The following SUCLG2 variants were observed in gnomAD, a reference collection of about 807,000 sequenced individuals.
SUCLG2 encodes succinate--CoA ligase [GDP-forming] subunit beta, mitochondrial.
Under a neutral mutation model 47.9 loss-of-function variants are expected in SUCLG2, and 42 were observed. The ratio of observed to expected loss-of-function variants is 0.88; its 90% CI spans 0.69 to 1.14. The LOEUF is 1.14. SUCLG2 is among the 50% of genes most tolerant of loss of function. The pLI, the probability that SUCLG2 is intolerant of heterozygous loss-of-function variation, is 0.00. For missense variants in SUCLG2, 571 were observed against 525.9 expected (o/e 1.09, Z -0.84); for synonymous variants, 195 against 197.3 (o/e 0.99, Z 0.10).
intron 9 of SUCLG2, among the ~76,000 whole-genome samples, chr3:67,454,601 C>T (rs1461401849): frequency 1.3e-5 from 2 of 152,090 alleles, no homozygotes; most frequent in Admixed American, 6.5e-5. Context: ...GAGTGGCCTA[C>T]ATCATGACAC....
At position 67,360,635 on chromosome 3, in the gene SUCLG2, T is replaced by TA. The variant is rs757697438; in HGVS notation, c.1316dup (p.Leu439PhefsTer19). The TA allele has an allele frequency of 2.0e-6, 3 of 1,511,376 alleles. No homozygotes were observed. The highest frequency in any genetic ancestry group is 1.3e-5 in the South Asian group (1 of 79,844). 93.6% of individuals were successfully genotyped at this position (1,511,376 alleles called of 1,614,324 possible). On this transcript the variant is annotated frameshift_variant, in exon 11 of 11. Transcript: ENST00000493112. LOFTEE classifies it high-confidence loss of function. ...ATCTTAGCAAAGTAAATCTTTAACA[T>TA]AAAAAAATGCTGATGGCACACTTAC...
At chr3:67,402,389 C>T (rs1413457965) in intron 9 of SUCLG2, among the ~76,000 whole-genome samples, 1 of 152,096 alleles carries the variant, frequency 6.6e-6, no homozygotes, top group Admixed American at 6.6e-5. Context: ...TATTGAAATT[C>T]AACAAAAAGG....
intron 9 of SUCLG2, among the ~76,000 whole-genome samples, chr3:67,454,839 A>G (rs1704144845): frequency 6.6e-6 from 1 of 151,974 alleles, no homozygotes; most frequent in South Asian, 2.1e-4. Context: ...GTGGGCACCT[A>G]TAGTCGCAGC....
chr3:67,588,991 T>A (rs1378640959), intron 2 of SUCLG2, among the ~76,000 whole-genome samples: 1 of 152,212 alleles, frequency 6.6e-6, no homozygotes, highest in Non-Finnish European at 1.5e-5. Context: ...AAGGCTCTGG[T>A]GACCTCTAAG....
At chr3:67,406,572 C>T (rs1054208415) in intron 9 of SUCLG2, among the ~76,000 whole-genome samples, 5 of 152,074 alleles carry the variant, frequency 3.3e-5, no homozygotes, top group African/African-American at 1.2e-4. Flanking sequence ...CTTAAGACAA[C>T]AGAATACCAT....
intron 9 of SUCLG2, 107 bp downstream of exon 9, chr3:67,495,691 C>T (rs1423500552): frequency 7.9e-6 from 10 of 1,260,082 alleles, no homozygotes; most frequent in African/African-American, 1.5e-5. Context: ...TCTGGGGCTG[C>T]AGAGTACACA....
chr3:67,362,863 C>T (rs1701824296), intron 10 of SUCLG2, among the ~76,000 whole-genome samples: 1 of 152,164 alleles, frequency 6.6e-6, no homozygotes, highest in Admixed American at 6.5e-5. Flanking sequence ...CTCATAGATG[C>T]AGCTATGGAG....
rs143315849 is a variant in SUCLG2, at chr3:67,509,727, A to G, written c.661-824T>C. Among the ~76,000 whole-genome samples, 86 of 152,276 alleles carry G rather than the reference A, an allele frequency of 5.6e-4. 1 individual carries two copies. Among genetic ancestry groups the G allele is most frequent in the Middle Eastern group, 3.4e-3 (1 of 292 alleles). ...CACAGAGCAAGAGGGTGGATCGTGGAGAAGAATTAGGTATCAGTCTCATTC... is the reference window on the plus strand; with the variant it reads ...CACAGAGCAAGAGGGTGGATCGTGGGGAAGAATTAGGTATCAGTCTCATTC... On this transcript the variant is annotated intron_variant, in intron 6 of 10. Coordinates refer to ENST00000307227, the MANE Select transcript of SUCLG2 (RefSeq NM_003848.4).
intron 9 of SUCLG2, among the ~76,000 whole-genome samples, chr3:67,493,559 G>C (rs562719679): frequency 6.6e-6 from 1 of 152,074 alleles, no homozygotes; most frequent in Non-Finnish European, 1.5e-5. Flanking sequence ...TAAAATTTGA[G>C]GTGAGCCACT....
At chr3:67,496,315 A>G (rs576578848) in intron 8 of SUCLG2, among the ~76,000 whole-genome samples, 2 of 152,330 alleles carry the variant, frequency 1.3e-5, no homozygotes, top group South Asian at 2.1e-4. Context: ...GAAACAAGCT[A>G]TTGGAAGTTG....
chr3:67,554,273 C>A (rs998125186), intron 2 of SUCLG2, among the ~76,000 whole-genome samples: 1 of 152,316 alleles, frequency 6.6e-6, no homozygotes, highest in South Asian at 2.1e-4. Context: ...CAGCTACCCT[C>A]TGTAAGGCTA....
chr3:67,389,041 G>C (rs552792246), intron 10 of SUCLG2, among the ~76,000 whole-genome samples: 1 of 152,232 alleles, frequency 6.6e-6, no homozygotes, highest in Admixed American at 6.5e-5. Context: ...GAGAGTAATG[G>C]CTTTGCAGCA....
Position 67,375,617 on chromosome 3 carries a change from T to A in SUCLG2, c.*127A>T, listed in dbSNP as rs1289831845. The A allele has an allele frequency of 2.2e-5, 31 of 1,437,310 alleles. No individual in the cohort carries two copies. Among genetic ancestry groups the A allele is most frequent in the Non-Finnish European group, 2.7e-5 (30 of 1,097,012 alleles). The allele number at this position is 1,437,310 out of a possible 1,614,324, so 89.0% of individuals were successfully genotyped here. On this transcript the variant is annotated 3_prime_UTR_variant, in exon 11 of 11. Coordinates refer to ENST00000307227, the MANE Select transcript of SUCLG2 (RefSeq NM_003848.4). ...TCCAGAAAACACAGATTTAAGATTT[T>A]TCAGTGATTCTTGCCTTCCCCCTCC...
intron 10 of SUCLG2, among the ~76,000 whole-genome samples, chr3:67,389,980 G>C (rs1036722669): frequency 3.9e-5 from 6 of 152,186 alleles, no homozygotes; most frequent in Non-Finnish European, 7.3e-5. Flanking sequence ...ACAAAGCCAA[G>C]TGACACTAAA....
At chr3:67,516,272 C>T (rs566952767) in intron 6 of SUCLG2, among the ~76,000 whole-genome samples, 1 of 152,254 alleles carries the variant, frequency 6.6e-6, no homozygotes, top group African/African-American at 2.4e-5. Context: ...CTTACTTATC[C>T]CTCAGTTCTC....
At chr3:67,553,094 AG>A (rs1329443346) in intron 2 of SUCLG2, among the ~76,000 whole-genome samples, 2 of 152,220 alleles carry the variant, frequency 1.3e-5, no homozygotes, top group Non-Finnish European at 1.5e-5. Flanking sequence ...ATCCCAACCA[AG>A]AAGTGGATAT....
intron 9 of SUCLG2, among the ~76,000 whole-genome samples, chr3:67,483,187 C>T (rs1246789617): frequency 1.3e-5 from 2 of 151,782 alleles, no homozygotes; most frequent in Non-Finnish European, 2.9e-5. Context: ...AGAGTTGCCA[C>T]CCAAATTAGG....
intron 6 of SUCLG2, among the ~76,000 whole-genome samples, chr3:67,513,659 G>A (rs1203126535): frequency 6.6e-6 from 1 of 152,168 alleles, no homozygotes; most frequent in Non-Finnish European, 1.5e-5. Context: ...ATAAGCACAG[G>A]TCAAAGAAAA....
At chr3:67,378,560 A>G (rs561391538) in intron 10 of SUCLG2, among the ~76,000 whole-genome samples, 1 of 152,314 alleles carries the variant, frequency 6.6e-6, no homozygotes, top group East Asian at 1.9e-4. Flanking sequence ...TCCCTAGTCA[A>G]GCCTTGAGAT....
Sources: allele counts gnomAD v4.1 joint callset (sites outside exome capture counted in the v4.1 genomes callset), GRCh38; gene constraint gnomAD v4.1.1; transcripts MANE v1.5; gene names NCBI Gene and HGNC (gene_info 2026-07-23, HGNC 2026-07-21).